Variants in CDH4 observed in about 807,000 individuals in gnomAD.
The protein encoded by CDH4 is cadherin 4, also known as cadherin-4.
In CDH4, 33 loss-of-function variants were observed where a neutral mutation model predicts 86.0. The observed-to-expected ratio is 0.38, with a 90% confidence interval of 0.29 to 0.51. The LOEUF is 0.51. Ranked by LOEUF, CDH4 falls within the 20% of genes least tolerant of loss-of-function variation. The pLI, the probability that CDH4 is intolerant of heterozygous loss-of-function variation, is 0.86. For missense variants in CDH4, 1,114 were observed against 1,307.4 expected, an observed-to-expected ratio of 0.85 and a Z score of 2.28; for synonymous variants, 555 against 549.4, an observed-to-expected ratio of 1.01 and a Z score of -0.14.
intron 2 of CDH4, among the ~76,000 whole-genome samples, chr20:61,726,585 C>T (rs2088113836): frequency 1.3e-5 from 2 of 152,044 alleles, no homozygotes; most frequent in African/African-American, 2.4e-5. Context: ...ATCATTATGC[C>T]ATCACCACCA....
At chr20:61,620,174 A>ATGGATGGATGGATGGATGGACGGG (rs1413346289) in intron 2 of CDH4, among the ~76,000 whole-genome samples, 24 of 58,056 alleles carry the variant, frequency 4.1e-4, no homozygotes, top group Admixed American at 9.6e-4. Context: ...GGATGGATGG[A>ATGGATGGATGGATGGATGGACGGG]TGGGTGGGTG....
intron 2 of CDH4, among the ~76,000 whole-genome samples, chr20:61,383,596 GATATATATGATATATATGAATATA>G (rs2084929045): frequency 9.8e-5 from 1 of 10,246 alleles, no homozygotes; most frequent in Non-Finnish European, 1.3e-4. Context: ...ATGAATATAT[GATATATATGATATATATGAATATA>G]TGATATATAT....
intron 4 of CDH4, among the ~76,000 whole-genome samples, chr20:61,818,020 T>A (rs1980817807): frequency 6.6e-6 from 1 of 151,500 alleles, no homozygotes; most frequent in South Asian, 2.1e-4. Flanking sequence ...GCACTTTCTT[T>A]TTTTTTTTTC....
chr20:61,792,162 C>T (rs760364832), intron 4 of CDH4, among the ~76,000 whole-genome samples: 8 of 151,912 alleles, frequency 5.3e-5, no homozygotes, highest in Non-Finnish European at 1.0e-4. Flanking sequence ...GAGGGGAAAG[C>T]GGGGGCCCAG....
At chr20:61,347,201 G>A (rs944676414) in intron 2 of CDH4, among the ~76,000 whole-genome samples, 1 of 152,220 alleles carries the variant, frequency 6.6e-6, no homozygotes, top group African/African-American at 2.4e-5. Context: ...TGCCCCACAT[G>A]GCCGTGAGGC....
chr20:61,608,627 C>G (rs965584875), intron 2 of CDH4, among the ~76,000 whole-genome samples: 3 of 152,264 alleles, frequency 2.0e-5, no homozygotes, highest in African/African-American at 7.2e-5. Flanking sequence ...TGGTCCACCA[C>G]AGCTCGCACT....
chr20:61,750,140 T>C (rs2088473170), intron 3 of CDH4, among the ~76,000 whole-genome samples: 1 of 151,972 alleles, frequency 6.6e-6, no homozygotes, highest in Non-Finnish European at 1.5e-5. Context: ...ACCCAAAGTC[T>C]AAAGAAAGAA....
intron 2 of CDH4, among the ~76,000 whole-genome samples, chr20:61,331,946 G>A (rs891648198): frequency 2.6e-5 from 4 of 152,158 alleles, no homozygotes; most frequent in Non-Finnish European, 5.9e-5. Flanking sequence ...AAGGGAGGTC[G>A]CCTGTGCGCC....
chr20:61,399,021 C>G (rs192290806), intron 2 of CDH4, among the ~76,000 whole-genome samples: 11 of 151,984 alleles, frequency 7.2e-5, no homozygotes, highest in African/African-American at 2.7e-4. Context: ...GGGTTAAATG[C>G]TTTGTAAAGT....
At chr20:61,804,733 C>T (rs1197361513) in intron 4 of CDH4, among the ~76,000 whole-genome samples, 1 of 152,138 alleles carries the variant, frequency 6.6e-6, no homozygotes, top group Non-Finnish European at 1.5e-5. Context: ...GGGGAGTCCC[C>T]GTGTGGAGGC....
At chr20:61,458,904 C>A (rs971965051) in intron 2 of CDH4, among the ~76,000 whole-genome samples, 1 of 151,932 alleles carries the variant, frequency 6.6e-6, no homozygotes, top group Non-Finnish European at 1.5e-5. Context: ...TGGCTCTCAG[C>A]TCCTCCTGCT....
intron 4 of CDH4, among the ~76,000 whole-genome samples, chr20:61,815,373 C>T (rs1248868850): frequency 1.3e-5 from 2 of 152,202 alleles, no homozygotes; most frequent in Non-Finnish European, 2.9e-5. Flanking sequence ...GGCTTAGTGG[C>T]CTCTGTGATA....
Position 61,807,370 on chromosome 20 carries a change from C to T in CDH4, c.576+34188C>T, listed in dbSNP as rs556066915. Among the ~76,000 whole-genome samples, 1 of 152,294 alleles carries T rather than the reference C, an allele frequency of 6.6e-6. No individual in the cohort carries two copies. The highest frequency in any genetic ancestry group is 6.5e-5 in the Admixed American group (1 of 15,300). On this transcript the variant is annotated intron_variant, in intron 4 of 15. Transcript: ENST00000614565. This position sits in a 1 kb window ranked among gnomAD's most constrained non-coding sequence, Gnocchi z 4.5. ...GAGAGTGGGCGGTGGGAGAGGATTC[C>T]CTGAGCTGTAGAGTTTACCCTCAGC...
At chr20:61,547,785 T>C (rs942381093) in intron 2 of CDH4, among the ~76,000 whole-genome samples, 2 of 152,188 alleles carry the variant, frequency 1.3e-5, no homozygotes, top group African/African-American at 4.8e-5. Flanking sequence ...CACTTGAGCA[T>C]CTGAAATCGT....
intron 2 of CDH4, among the ~76,000 whole-genome samples, chr20:61,309,130 C>T (rs892573917): frequency 7.9e-5 from 12 of 152,246 alleles, no homozygotes; most frequent in African/African-American, 2.7e-4. Context: ...CTTCTGAGCG[C>T]GAGGCTGGCC....
At chr20:61,591,271 T>G (rs2086517770) in intron 2 of CDH4, among the ~76,000 whole-genome samples, 2 of 152,226 alleles carry the variant, frequency 1.3e-5, no homozygotes, top group African/African-American at 4.8e-5. Flanking sequence ...TGAAAAGTAG[T>G]GATTAATTTG....
At chr20:61,785,355 C>A (rs1421665776) in intron 4 of CDH4, among the ~76,000 whole-genome samples, 2 of 152,166 alleles carry the variant, frequency 1.3e-5, no homozygotes, top group Non-Finnish European at 1.5e-5. Flanking sequence ...CTGATCTTGC[C>A]CCTGTCTGTG....
At chr20:61,291,371 G>A (rs1046937000) in intron 2 of CDH4, among the ~76,000 whole-genome samples, 4 of 152,338 alleles carry the variant, frequency 2.6e-5, no homozygotes, top group South Asian at 2.1e-4. Flanking sequence ...TGGAAAGAAC[G>A]AGAACTCAAG....
At chr20:61,288,545 C>T (rs902500420) in intron 2 of CDH4, among the ~76,000 whole-genome samples, 14 of 152,222 alleles carry the variant, frequency 9.2e-5, no homozygotes, top group Non-Finnish European at 2.1e-4. Flanking sequence ...CTGAGCAGTT[C>T]CTGATGAATG....
Sources: gnomAD v4.1 joint callset for allele counts (sites outside exome capture counted in the v4.1 genomes callset) on GRCh38, gnomAD v4.1.1 for gene constraint, Gnocchi (gnomAD v3.1) non-coding constraint, MANE v1.5 for transcripts, NCBI Gene and HGNC (gene_info 2026-07-23, HGNC 2026-07-21) for gene names.